EBF1: variants seen among roughly 807,000 people sequenced by gnomAD.
EBF1 encodes transcription factor COE1.
EBF1 carries 10 observed loss-of-function variants against 68.4 expected under a neutral mutation model. The observed-to-expected ratio is 0.15, with a 90% confidence interval of 0.09 to 0.25. The LOEUF (loss-of-function observed/expected upper bound fraction) is 0.25, where lower values mean the gene tolerates loss of function less well. Among genes scored for constraint, EBF1 ranks in the 10% least tolerant of loss-of-function variants. The pLI, the probability that EBF1 is intolerant of heterozygous loss-of-function variation, is 1.00. For synonymous variants in EBF1, 298 were observed against 299.8 expected (o/e 0.99, Z 0.06); for missense variants, 509 against 794.4 (o/e 0.64, Z 4.32).
chr5:158,882,174 A>G (rs1246102663), intron 6 of EBF1, among the ~76,000 whole-genome samples: 1 of 152,202 alleles, frequency 6.6e-6, no homozygotes, highest in Non-Finnish European at 1.5e-5. Flanking sequence ...TGGTCCATTT[A>G]TCAAAAATAA....
chr5:159,056,899 GA>G (rs1478268288), intron 6 of EBF1, among the ~76,000 whole-genome samples: 1 of 152,104 alleles, frequency 6.6e-6, no homozygotes, highest in African/African-American at 2.4e-5. Flanking sequence ...CCTACTGAAA[GA>G]TGACTATTGA....
At chr5:159,086,107 C>T (rs1780597541) in intron 4 of EBF1, among the ~76,000 whole-genome samples, 1 of 152,078 alleles carries the variant, frequency 6.6e-6, no homozygotes, top group East Asian at 1.9e-4. Flanking sequence ...TACATGTACA[C>T]CTACAAAAAG....
At chr5:158,998,295 C>T (rs1250777053) in intron 6 of EBF1, among the ~76,000 whole-genome samples, 1 of 152,190 alleles carries the variant, frequency 6.6e-6, no homozygotes, top group African/African-American at 2.4e-5. Context: ...TGCTCAGATG[C>T]AACCTCCTCG....
chr5:158,925,993 A>C (rs1809616642), intron 6 of EBF1, among the ~76,000 whole-genome samples: 1 of 152,248 alleles, frequency 6.6e-6, no homozygotes, highest in Non-Finnish European at 1.5e-5. Flanking sequence ...AAATGGTACA[A>C]GAGGAATTTC....
At chr5:159,010,936 A>C (rs1235388244) in intron 6 of EBF1, among the ~76,000 whole-genome samples, 1 of 152,268 alleles carries the variant, frequency 6.6e-6, no homozygotes, top group Non-Finnish European at 1.5e-5. Context: ...TTCTGTTTAC[A>C]GAGAAGGAAG....
intron 6 of EBF1, among the ~76,000 whole-genome samples, chr5:158,991,485 C>T (rs2127610231): frequency 6.6e-6 from 1 of 152,294 alleles, no homozygotes; most frequent in Non-Finnish European, 1.5e-5. Flanking sequence ...AACACTACCA[C>T]ATGTTTTGCC....
intron 9 of EBF1, among the ~76,000 whole-genome samples, chr5:158,777,888 A>T (rs1251315730): frequency 6.6e-6 from 1 of 152,164 alleles, no homozygotes. Flanking sequence ...ACTCTCCAGA[A>T]GCTGATGGGC....
At chr5:159,046,184 ACT>A (rs761333329) in intron 6 of EBF1, among the ~76,000 whole-genome samples, 1 of 152,060 alleles carries the variant, frequency 6.6e-6, no homozygotes, top group African/African-American at 2.4e-5. Flanking sequence ...TGCCCCTGAC[ACT>A]CTGTCCCACC....
chr5:159,075,160 A>T (rs990772336), intron 5 of EBF1, among the ~76,000 whole-genome samples: 1 of 152,156 alleles, frequency 6.6e-6, no homozygotes, highest in Non-Finnish European at 1.5e-5. Flanking sequence ...TGTAAAATGG[A>T]GCAATTGCAG....
intron 6 of EBF1, chr5:158,986,464 G>C (rs1021472650): frequency 2.6e-5 from 4 of 152,222 alleles, no homozygotes; most frequent in African/African-American, 9.6e-5. Context: ...CAGGTAAAGA[G>C]AGCAGCTATA....
chr5:158,858,253 T>A (rs1459596930), intron 6 of EBF1, among the ~76,000 whole-genome samples: 1 of 152,154 alleles, frequency 6.6e-6, no homozygotes, highest in Non-Finnish European at 1.5e-5. Flanking sequence ...TTAGTTCAGG[T>A]TCCTAAGAAA....
intron 6 of EBF1, among the ~76,000 whole-genome samples, chr5:158,868,656 C>A (rs1021245409): frequency 1.3e-5 from 2 of 152,168 alleles, no homozygotes; most frequent in African/African-American, 4.8e-5. Context: ...CGTCACACAG[C>A]CACACATGGT....
chr5:158,780,806 GACTA>G (rs1346231774), intron 9 of EBF1, among the ~76,000 whole-genome samples: 3 of 152,120 alleles, frequency 2.0e-5, no homozygotes, highest in Admixed American at 2.0e-4. Flanking sequence ...ACCAAAAGGA[GACTA>G]ACTTTCTCAC....
chr5:158,837,951 G>T (rs1371110031), intron 7 of EBF1, among the ~76,000 whole-genome samples: 1 of 152,166 alleles, frequency 6.6e-6, no homozygotes, highest in Non-Finnish European at 1.5e-5. Context: ...ACCAAAGCAA[G>T]CTACAAAACA....
At chr5:159,044,961 A>C (rs1772035573) in intron 6 of EBF1, among the ~76,000 whole-genome samples, 1 of 152,222 alleles carries the variant, frequency 6.6e-6, no homozygotes, top group Non-Finnish European at 1.5e-5. Context: ...ATTCAAAAGA[A>C]GGGGAAAATA....
At position 158,810,763 on chromosome 5, in the gene EBF1, T is replaced by C. The variant is rs377588387; in HGVS notation, c.778+12413A>G. Among the ~76,000 whole-genome samples the C allele has an allele frequency of 5.3e-5, 8 of 152,212 alleles. No individual in the cohort carries two copies. In the East Asian group the frequency reaches 1.3e-3, roughly 26 times the overall value. On this transcript the variant is annotated intron_variant, in intron 8 of 15. Coordinates refer to ENST00000313708, the MANE Select transcript of EBF1 (RefSeq NM_024007.5). Reference sequence around the variant, plus strand: ...TGCTTTCATGCTTAGCGTTCAGATATGCACTCAGTCCATTCAGATCTATTT... The same window carrying C: ...TGCTTTCATGCTTAGCGTTCAGATACGCACTCAGTCCATTCAGATCTATTT...
At chr5:159,085,992 G>A (rs1780575042) in intron 4 of EBF1, among the ~76,000 whole-genome samples, 1 of 152,050 alleles carries the variant, frequency 6.6e-6, no homozygotes, top group African/African-American at 2.4e-5. Flanking sequence ...ATGAGAAAAT[G>A]TACTTGCATG....
At chr5:158,936,049 A>G (rs1259399360) in intron 6 of EBF1, among the ~76,000 whole-genome samples, 4 of 152,238 alleles carry the variant, frequency 2.6e-5, no homozygotes, top group African/African-American at 9.6e-5. Context: ...TTGGTTTTCC[A>G]TCCTCTTTCC....
chr5:158,746,521 C>G (rs1175310849), intron 10 of EBF1, among the ~76,000 whole-genome samples: 2 of 152,088 alleles, frequency 1.3e-5, no homozygotes, highest in Non-Finnish European at 2.9e-5. Context: ...AGCCCTTGTT[C>G]TTGCTAAGAT....
Sources: allele counts gnomAD v4.1 joint callset (sites outside exome capture counted in the v4.1 genomes callset), GRCh38; gene constraint gnomAD v4.1.1; transcripts MANE v1.5; gene names NCBI Gene and HGNC (gene_info 2026-07-23, HGNC 2026-07-21).